The following IL4I1 variants were observed in gnomAD, a reference collection of about 807,000 sequenced individuals.
IL4I1 encodes interleukin 4 induced 1, also known as L-amino-acid oxidase.
Under a neutral mutation model 29.7 loss-of-function variants are expected in IL4I1, and 24 were observed. The ratio of observed to expected loss-of-function variants is 0.81; its 90% CI spans 0.59 to 1.14. The LOEUF is 1.14. Ranked by LOEUF, IL4I1 falls within the 50% of genes most tolerant of loss-of-function variation. The probability of loss-of-function intolerance (pLI) is 0.00; values close to 1 mark genes in which losing one functional copy is unlikely to be tolerated. For missense variants in IL4I1, 686 were observed against 785.6 expected, an observed-to-expected ratio of 0.87 and a Z score of 1.52; for synonymous variants, 371 against 352.5, an observed-to-expected ratio of 1.05 and a Z score of -0.59.
chr19:49,912,107 A>G (rs1387841237), intron 2 of IL4I1, among the ~76,000 whole-genome samples: 1 of 151,968 alleles, frequency 6.6e-6, no homozygotes, highest in African/African-American at 2.4e-5. Context: ...CTTTGCAACT[A>G]TGAAAAAACT....
At chr19:49,908,381 T>C (rs776699787) in intron 2 of IL4I1, 1 of 1,614,218 alleles carries the variant, frequency 6.2e-7, no homozygotes, top group Non-Finnish European at 8.5e-7. Context: ...ATTGAGGATC[T>C]TGCAGATCTG....
chr19:49,922,444 A>G (rs982445633), intron 2 of IL4I1, among the ~76,000 whole-genome samples: 1 of 151,754 alleles, frequency 6.6e-6, no homozygotes, highest in Non-Finnish European at 1.5e-5. Flanking sequence ...CCTCCTTCAC[A>G]TGGGACCGGG....
intron 5 of IL4I1, 146 bp from the exon 6 acceptor site, chr19:49,891,619 C>A: frequency 1.5e-6 from 1 of 674,986 alleles, no homozygotes; most frequent in Non-Finnish European, 2.6e-6. Context: ...TTTGCCCACA[C>A]CATGCCCTCC....
intron 2 of IL4I1, chr19:49,909,694 G>A (rs2075413464): frequency 6.2e-7 from 1 of 1,614,066 alleles, no homozygotes; most frequent in Admixed American, 1.7e-5. Flanking sequence ...ACCCTCCAGT[G>A]CCAGAGGTGG....
intron 2 of IL4I1, among the ~76,000 whole-genome samples, chr19:49,905,245 T>G (rs1323343060): frequency 6.6e-6 from 1 of 152,216 alleles, no homozygotes; most frequent in African/African-American, 2.4e-5. Flanking sequence ...ATGCTCAAAT[T>G]TTCTCATCAT....
At chr19:49,916,077 C>A (rs1381589803) in intron 2 of IL4I1, among the ~76,000 whole-genome samples, 1 of 152,240 alleles carries the variant, frequency 6.6e-6, no homozygotes, top group Non-Finnish European at 1.5e-5. Flanking sequence ...TGCACTGCAG[C>A]ACACCGAGCC....
intron 1 of IL4I1, chr19:49,929,136 C>A (rs567987474): frequency 6.6e-6 from 1 of 152,320 alleles, no homozygotes; most frequent in Non-Finnish European, 1.5e-5. Context: ...GGGCGGGGCG[C>A]GGAAGGATCC....
At chr19:49,923,461 C>T (rs1171421772) in intron 2 of IL4I1, among the ~76,000 whole-genome samples, 2 of 152,172 alleles carry the variant, frequency 1.3e-5, no homozygotes, top group Non-Finnish European at 2.9e-5. Context: ...GCCCTCGAAG[C>T]GTTCGGGGGA....
Position 49,896,128 on chromosome 19 carries a change from C to T in IL4I1, c.13+20G>A. On this transcript the variant is annotated intron_variant, in intron 2 of 7. Coordinates refer to ENST00000391826, the MANE Select transcript of IL4I1 (RefSeq NM_152899.2). ...GGGGTTCTACTCACTTGTTCCAGAG[C>T]CCCTCCCCTGCTTACTCACCCAATG... 3.5e-6 allele frequency: 5 copies of T among 1,447,328 alleles called. No homozygotes were observed. Among genetic ancestry groups the T allele is most frequent in the Non-Finnish European group, 4.5e-6 (5 of 1,105,182 alleles). 89.7% of individuals were successfully genotyped at this position (1,447,328 alleles called of 1,614,324 possible).
chr19:49,902,499 A>G (rs1454810479), intron 3 of IL4I1, among the ~76,000 whole-genome samples: 1 of 151,744 alleles, frequency 6.6e-6, no homozygotes, highest in Non-Finnish European at 1.5e-5. Flanking sequence ...TTCCTGGAAT[A>G]GCTCATCACT....
rs2075766224 is a variant in IL4I1, at chr19:49,921,583, G to A, written c.-228+6111C>T. 6.6e-6 allele frequency among the ~76,000 whole-genome samples: 1 copy of A among 152,228 alleles called. No individual in the cohort carries two copies. On this transcript the variant is annotated intron_variant, in intron 2 of 9. Transcript: ENST00000341114. This position sits in a 1 kb window ranked among gnomAD's most constrained non-coding sequence, Gnocchi z 5.4. Reference sequence around the variant, plus strand: ...TACGTTCCTGCTCTGTGGTAGGTCAGGAAGAAGAGGGCAAAGGAGTCTGCA... The same window carrying A: ...TACGTTCCTGCTCTGTGGTAGGTCAAGAAGAAGAGGGCAAAGGAGTCTGCA...
At chr19:49,903,386 T>C (rs1017942950) in intron 3 of IL4I1, among the ~76,000 whole-genome samples, 2 of 152,098 alleles carry the variant, frequency 1.3e-5, no homozygotes, top group Non-Finnish European at 2.9e-5. Context: ...AGGGCGCCCA[T>C]GTGGGTCACT....
upstream of IL4I1, among the ~76,000 whole-genome samples, chr19:49,901,439 G>A (rs137934237): frequency 6.6e-6 from 1 of 152,284 alleles, no homozygotes; most frequent in African/African-American, 2.4e-5. Flanking sequence ...TGGGTGGGCA[G>A]GGCCTGCCCA....
chr19:49,914,079 T>C (rs907924291), intron 2 of IL4I1, among the ~76,000 whole-genome samples: 8 of 152,150 alleles, frequency 5.3e-5, no homozygotes, highest in Non-Finnish European at 8.8e-5. Context: ...CCAGGCATGA[T>C]GGCTCACACC....
Position 49,890,964 on chromosome 19 carries a change from C to CCCCCCCCCCCCCCCCT in IL4I1, c.773+6_773+7insAGGGGGGGGGGGGGGG. 1 of 1,513,536 alleles carries CCCCCCCCCCCCCCCCT rather than the reference C, an allele frequency of 6.6e-7. No individual in the cohort carries two copies. Among genetic ancestry groups the CCCCCCCCCCCCCCCCT allele is most frequent in the Non-Finnish European group, 8.9e-7 (1 of 1,127,920 alleles). 93.8% of individuals were successfully genotyped at this position (1,513,536 alleles called of 1,614,324 possible). On this transcript the variant is annotated splice_region_variant and intron_variant, in intron 7 of 7. Coordinates refer to ENST00000391826, the MANE Select transcript of IL4I1 (RefSeq NM_152899.2). ...CCCCCCCCCTGCCCGCCAGCCCCGC[C>CCCCCCCCCCCCCCCCT]CCTTACTGGAGTCTGTCGCTGAGGC...
intron 2 of IL4I1, among the ~76,000 whole-genome samples, chr19:49,912,381 C>T (rs909924889): frequency 6.6e-6 from 1 of 152,092 alleles, no homozygotes. Context: ...GTTGGCCAGG[C>T]TGGTCTTGAA....
intron 2 of IL4I1, chr19:49,909,270 C>A (rs774383419): frequency 8.1e-6 from 13 of 1,614,038 alleles, no homozygotes; most frequent in South Asian, 1.1e-5. Flanking sequence ...GTGGGCTGGG[C>A]TGAATTCCCT....
intron 2 of IL4I1, among the ~76,000 whole-genome samples, chr19:49,905,937 C>T (rs776785883): frequency 9.9e-5 from 15 of 152,014 alleles, no homozygotes; most frequent in Admixed American, 2.6e-4. Flanking sequence ...ATCATGACTT[C>T]GGGAGACTTT....
In IL4I1 at chr19:49,890,124, C is replaced by T; in HGVS notation, c.1250G>A (p.Arg417His). The change falls in exon 8 of 8, where the codon CGC (arginine) becomes CAC (histidine). Residue 417 changes from arginine to histidine, a missense_variant. Transcript: ENST00000391826. Reference protein sequence around the residue: ...FAGLSREEALRLALDDVAALH... With the variant: ...FAGLSREEALHLALDDVAALH... ...TGCCGCCACGTCGTCGAGCGCCAAG[C>T]GCAACGCCTCTTCCCGGCTCAAGCC... 1.3e-6 allele frequency: 2 copies of T among 1,543,346 alleles called. No individual in the cohort carries two copies. Among genetic ancestry groups the T allele is most frequent in the Non-Finnish European group, 1.7e-6 (2 of 1,145,132 alleles).
Sources: allele counts gnomAD v4.1 joint callset (sites outside exome capture counted in the v4.1 genomes callset), GRCh38; gene constraint gnomAD v4.1.1; non-coding constraint Gnocchi (gnomAD v3.1); transcripts MANE v1.5; gene names NCBI Gene and HGNC (gene_info 2026-07-23, HGNC 2026-07-21).